The following SHISA6 variants were observed in gnomAD, a reference collection of about 807,000 sequenced individuals.
SHISA6 encodes shisa family member 6.
SHISA6 carries 22 observed loss-of-function variants against 47.9 expected under a neutral mutation model. The observed-to-expected ratio is 0.46, with a 90% confidence interval of 0.33 to 0.66. SHISA6 has a LOEUF of 0.66. Among genes scored for constraint, SHISA6 ranks in the 30% least tolerant of loss-of-function variants. The pLI is 0.02. For synonymous variants in SHISA6, 388 were observed against 337.8 expected, an observed-to-expected ratio of 1.15 and a Z score of -1.63; for missense variants, 680 against 764.6, an observed-to-expected ratio of 0.89 and a Z score of 1.30.
At chr17:11,435,291 T>C (rs1914905995) in intron 3 of SHISA6, among the ~76,000 whole-genome samples, 1 of 152,218 alleles carries the variant, frequency 6.6e-6, no homozygotes, top group Non-Finnish European at 1.5e-5. Context: ...TCACATTTAC[T>C]TGTAGGTCCC....
intron 3 of SHISA6, among the ~76,000 whole-genome samples, chr17:11,413,169 G>A (rs1347813945): frequency 6.6e-6 from 1 of 152,152 alleles, no homozygotes; most frequent in Non-Finnish European, 1.5e-5. Context: ...ATAAATCCCA[G>A]GACACTATCT....
rs570435770 is a variant in SHISA6, at chr17:11,276,761, A to G, written c.799+13235A>G. The stretch of plus-strand genomic sequence containing the variant: ...CACCATCATCACCACGACCATCATC[A>G]CCATCATCATCATCATCATTTTTGA... On this transcript the variant is annotated intron_variant, in intron 2 of 5. Coordinates refer to ENST00000441885, the MANE Select transcript of SHISA6 (RefSeq NM_207386.4). 2.0e-5 allele frequency among the ~76,000 whole-genome samples: 3 copies of G among 152,202 alleles called. No homozygotes were observed. The East Asian group carries it at 5.8e-4, about 29-fold the overall frequency.
chr17:11,434,209 G>A (rs916241260), intron 3 of SHISA6, among the ~76,000 whole-genome samples: 2 of 151,806 alleles, frequency 1.3e-5, no homozygotes, highest in African/African-American at 4.8e-5. Context: ...GATTACAGAT[G>A]CGTGCCACCA....
At chr17:11,253,689 A>G (rs530807068) in intron 1 of SHISA6, among the ~76,000 whole-genome samples, 2 of 152,072 alleles carry the variant, frequency 1.3e-5, no homozygotes, top group African/African-American at 2.4e-5. Flanking sequence ...CTCCTTTGCA[A>G]TTCCCTCTGG....
intron 2 of SHISA6, among the ~76,000 whole-genome samples, chr17:11,316,419 CTT>C (rs551048325): frequency 0.048 from 2,722 of 56,554 alleles, 74 homozygotes; most frequent in African/African-American, 0.2. Context: ...CTCTCTCTCT[CTT>C]TTTTTTTTTT....
intron 3 of SHISA6, among the ~76,000 whole-genome samples, chr17:11,424,522 C>A (rs1241569660): frequency 1.3e-5 from 2 of 151,576 alleles, no homozygotes; most frequent in Non-Finnish European, 2.9e-5. Context: ...AGGATATGTA[C>A]AATACTATTG....
At chr17:11,432,841 C>A (rs560185524) in intron 3 of SHISA6, among the ~76,000 whole-genome samples, 1 of 151,306 alleles carries the variant, frequency 6.6e-6, no homozygotes, top group Admixed American at 6.6e-5. Flanking sequence ...TATGAAATAT[C>A]CAGAATAGGC....
intron 2 of SHISA6, among the ~76,000 whole-genome samples, chr17:11,347,255 G>C (rs1466132601): frequency 1.3e-5 from 2 of 152,018 alleles, no homozygotes; most frequent in Non-Finnish European, 2.9e-5. Flanking sequence ...ATTGACAAGA[G>C]GAAAAGAAAC....
chr17:11,476,763 C>T (rs1916061402), intron 3 of SHISA6, among the ~76,000 whole-genome samples: 2 of 152,008 alleles, frequency 1.3e-5, no homozygotes, highest in African/African-American at 2.4e-5. Context: ...TCTGTAGATG[C>T]AATTACATTC....
intron 3 of SHISA6, among the ~76,000 whole-genome samples, chr17:11,425,725 T>C (rs1482306516): frequency 1.3e-5 from 2 of 152,222 alleles, no homozygotes; most frequent in East Asian, 1.9e-4. Context: ...TATTTTGTAC[T>C]GTGTCTTCAG....
chr17:11,495,165 G>A (rs2071398132), intron 3 of SHISA6, among the ~76,000 whole-genome samples: 1 of 152,132 alleles, frequency 6.6e-6, no homozygotes, highest in Non-Finnish European at 1.5e-5. Flanking sequence ...AAAGCATCTT[G>A]CCCACTGCCA....
At chr17:11,275,682 G>A (rs565605470) in intron 2 of SHISA6, among the ~76,000 whole-genome samples, 1 of 152,288 alleles carries the variant, frequency 6.6e-6, no homozygotes, top group East Asian at 1.9e-4. Context: ...CTGAAGCCGA[G>A]ACCCAAATGA....
chr17:11,436,211 G>A (rs1181352075), intron 3 of SHISA6, among the ~76,000 whole-genome samples: 1 of 152,170 alleles, frequency 6.6e-6, no homozygotes, highest in Non-Finnish European at 1.5e-5. Context: ...ATGTGGGCAC[G>A]CAGCAAGATG....
At chr17:11,534,124 C>A (rs894602498) in intron 3 of SHISA6, among the ~76,000 whole-genome samples, 1 of 151,052 alleles carries the variant, frequency 6.6e-6, no homozygotes, top group African/African-American at 2.4e-5. Context: ...GGATTACAGG[C>A]GCCTGCCACC....
chr17:11,266,282 A>G (rs996762500), intron 2 of SHISA6, among the ~76,000 whole-genome samples: 2 of 152,216 alleles, frequency 1.3e-5, no homozygotes, highest in African/African-American at 4.8e-5. Flanking sequence ...CAACACCAAC[A>G]GGCATCAGAG....
rs568466742 is a variant in SHISA6 at position 11,530,392 on chromosome 17, G to T, written c.896-21504G>T. ...GTGACAGTATTTTGTCACTGAAAAA[G>T]CACATCTCAGTTTGTTCGGCATTGT... On this transcript the variant is annotated intron_variant, in intron 3 of 5. Transcript: ENST00000441885. Among the ~76,000 whole-genome samples the T allele has an allele frequency of 6.6e-5, 10 of 152,260 alleles. No individual in the cohort carries two copies. The South Asian group carries it at 2.1e-3, about 32-fold the overall frequency.
intron 3 of SHISA6, among the ~76,000 whole-genome samples, chr17:11,416,762 G>C (rs567911424): frequency 2.0e-5 from 3 of 152,148 alleles, no homozygotes; most frequent in Non-Finnish European, 4.4e-5. Flanking sequence ...CTGGTCTGAA[G>C]TCAGATTCAG....
intron 3 of SHISA6, among the ~76,000 whole-genome samples, chr17:11,505,718 G>A (rs377493946): frequency 1.3e-5 from 2 of 152,144 alleles, no homozygotes; most frequent in East Asian, 3.8e-4. Flanking sequence ...AGTCCCAGAT[G>A]CATCCTAAAA....
At chr17:11,264,734 G>T (rs2142147545) in intron 2 of SHISA6, among the ~76,000 whole-genome samples, 1 of 152,282 alleles carries the variant, frequency 6.6e-6, no homozygotes, top group Admixed American at 6.5e-5. Flanking sequence ...TATAGCAAAG[G>T]TGCTGATGAG....
Sources: gnomAD v4.1 joint callset for allele counts (sites outside exome capture counted in the v4.1 genomes callset) on GRCh38, gnomAD v4.1.1 for gene constraint, MANE v1.5 for transcripts, NCBI Gene and HGNC (gene_info 2026-07-23, HGNC 2026-07-21) for gene names.